The following TMEFF2 variants were observed in gnomAD, a reference collection of about 807,000 sequenced individuals.
TMEFF2 encodes the protein tomoregulin-2.
A neutral mutation model predicts 53.8 loss-of-function variants in TMEFF2; 28 were observed. The observed-to-expected ratio is 0.52, with a 90% CI of 0.39 to 0.71. TMEFF2 has a LOEUF of 0.71. TMEFF2 is among the 30% of genes least tolerant of loss of function. The probability of loss-of-function intolerance (pLI) is 0.00; values close to 1 mark genes in which losing one functional copy is unlikely to be tolerated. For missense variants in TMEFF2, 353 were observed against 455.2 expected (o/e 0.78, Z 2.04); for synonymous variants, 162 against 166.3 (o/e 0.97, Z 0.20).
intron 1 of TMEFF2, among the ~76,000 whole-genome samples, chr2:192,193,757 T>TAG (rs1491267223): frequency 0.015 from 404 of 26,566 alleles, 3 homozygotes; most frequent in South Asian, 0.045. Flanking sequence ...GAGAGATAGA[T>TAG]AGATAGAGAG....
chr2:192,074,503 A>G (rs912850500), intron 4 of TMEFF2, among the ~76,000 whole-genome samples: 20 of 152,078 alleles, frequency 1.3e-4, no homozygotes, highest in African/African-American at 4.6e-4. Context: ...GCAGTGTTTT[A>G]AATTACTATT....
chr2:192,017,029 C>G (rs1186478358), intron 5 of TMEFF2, among the ~76,000 whole-genome samples: 1 of 152,114 alleles, frequency 6.6e-6, no homozygotes, highest in Non-Finnish European at 1.5e-5. Context: ...TCAAGGTTTC[C>G]TAGAGAAGGA....
chr2:192,186,210 T>A (rs369544985), intron 2 of TMEFF2, among the ~76,000 whole-genome samples: 1 of 152,200 alleles, frequency 6.6e-6, no homozygotes, highest in African/African-American at 2.4e-5. Flanking sequence ...TCTGATTAGG[T>A]GATACCTGTG....
intron 4 of TMEFF2, among the ~76,000 whole-genome samples, chr2:192,058,136 T>C (rs1158335830): frequency 2.0e-5 from 3 of 152,238 alleles, no homozygotes; most frequent in African/African-American, 7.2e-5. Flanking sequence ...CTGTCTATTT[T>C]ACTGAAACAT....
chr2:191,961,160 A>C (rs1692261495), intron 7 of TMEFF2, among the ~76,000 whole-genome samples: 1 of 152,206 alleles, frequency 6.6e-6, no homozygotes, highest in African/African-American at 2.4e-5. Context: ...AATATCTTAA[A>C]TTTTGACTGT....
chr2:192,114,535 CTATATATA>C (rs143382529), intron 4 of TMEFF2, among the ~76,000 whole-genome samples: 2 of 147,894 alleles, frequency 1.4e-5, no homozygotes, highest in Non-Finnish European at 3.0e-5. Context: ...TGACATAATC[CTATATATA>C]TATATATAAC....
intron 7 of TMEFF2, among the ~76,000 whole-genome samples, chr2:191,965,161 C>T (rs1692435037): frequency 6.6e-6 from 1 of 152,130 alleles, no homozygotes; most frequent in Admixed American, 6.6e-5. Context: ...GAGGTGATCA[C>T]ACTTTTATGG....
At chr2:192,114,626 A>G (rs866445681) in intron 4 of TMEFF2, among the ~76,000 whole-genome samples, 14 of 151,954 alleles carry the variant, frequency 9.2e-5, no homozygotes, top group African/African-American at 3.4e-4. Context: ...TACAAAAATT[A>G]CTTGAGTTTC....
chr2:192,063,492 T>C (rs1038642490), intron 4 of TMEFF2, among the ~76,000 whole-genome samples: 2 of 151,948 alleles, frequency 1.3e-5, no homozygotes, highest in East Asian at 1.9e-4. Flanking sequence ...TCTATCTTTT[T>C]GAGTATTTCA....
At chr2:192,040,482 T>A (rs936726298) in intron 5 of TMEFF2, among the ~76,000 whole-genome samples, 2 of 152,120 alleles carry the variant, frequency 1.3e-5, no homozygotes, top group Non-Finnish European at 2.9e-5. Context: ...TTGTTTCTGT[T>A]AATGTATAAG....
intron 4 of TMEFF2, among the ~76,000 whole-genome samples, chr2:192,072,132 AG>A (rs1431909988): frequency 6.6e-6 from 1 of 151,896 alleles, no homozygotes; most frequent in Non-Finnish European, 1.5e-5. Context: ...AAGGTTTGAG[AG>A]GTGTTGCTCT....
intron 4 of TMEFF2, among the ~76,000 whole-genome samples, chr2:192,070,066 T>TTGC (rs1688261273): frequency 7.4e-6 from 1 of 135,094 alleles, no homozygotes; most frequent in Admixed American, 7.7e-5. Context: ...GGGGGGAAAA[T>TTGC]TGCTATTGGC....
intron 4 of TMEFF2, among the ~76,000 whole-genome samples, chr2:192,175,716 T>A (rs1385485482): frequency 6.6e-6 from 1 of 151,508 alleles, no homozygotes; most frequent in Non-Finnish European, 1.5e-5. Flanking sequence ...TACATTTTAT[T>A]TCTATAAACA....
chr2:192,107,177 C>G (rs1362309490), intron 4 of TMEFF2, among the ~76,000 whole-genome samples: 1 of 151,614 alleles, frequency 6.6e-6, no homozygotes, highest in African/African-American at 2.4e-5. Flanking sequence ...AAAACTTTTT[C>G]AGTTAGAGAA....
intron 7 of TMEFF2, among the ~76,000 whole-genome samples, chr2:191,956,799 TAA>T (rs935202411): frequency 1.3e-5 from 2 of 152,226 alleles, no homozygotes; most frequent in African/African-American, 2.4e-5. Context: ...TACGAAAGCT[TAA>T]AAGTTAAAAT....
intron 3 of TMEFF2, among the ~76,000 whole-genome samples, chr2:192,180,098 T>C (rs2106034538): frequency 6.6e-6 from 1 of 151,764 alleles, no homozygotes; most frequent in Admixed American, 6.6e-5. Context: ...TAATTAAGGC[T>C]TGTATTCTTG....
intron 4 of TMEFF2, among the ~76,000 whole-genome samples, chr2:192,161,044 G>T (rs1690620861): frequency 6.6e-6 from 1 of 152,076 alleles, no homozygotes. Context: ...TCACCCTAAG[G>T]AAGTGGGGAC....
intron 7 of TMEFF2, among the ~76,000 whole-genome samples, chr2:191,970,452 C>T (rs1692603688): frequency 6.6e-6 from 1 of 151,614 alleles, no homozygotes; most frequent in Admixed American, 6.6e-5. Context: ...CAAGGGAAGA[C>T]GCACAAGCAG....
chr2:192,013,608 C>T (rs1170168574), intron 5 of TMEFF2, among the ~76,000 whole-genome samples: 2 of 152,066 alleles, frequency 1.3e-5, no homozygotes, highest in Non-Finnish European at 2.9e-5. Context: ...CACCACCATG[C>T]CCAGCTAATT....
Sources: allele counts gnomAD v4.1 joint callset (sites outside exome capture counted in the v4.1 genomes callset), GRCh38; gene constraint gnomAD v4.1.1; transcripts MANE v1.5; gene names NCBI Gene and HGNC (gene_info 2026-07-23, HGNC 2026-07-21).